ZNF69: variants seen among roughly 807,000 people sequenced by gnomAD.
The protein encoded by ZNF69 is zinc finger protein 69.
A neutral mutation model predicts 50.9 loss-of-function variants in ZNF69; 47 were observed. That is an observed-to-expected ratio of 0.92 (90% CI 0.73 to 1.18). ZNF69 has a LOEUF of 1.18. Among genes scored for constraint, ZNF69 ranks in the 50% most tolerant of loss-of-function variants. The pLI, the probability that ZNF69 is intolerant of heterozygous loss-of-function variation, is 0.00. For synonymous variants in ZNF69, 216 were observed against 223.1 expected, an observed-to-expected ratio of 0.97 and a Z score of 0.29; for missense variants, 717 against 675.1, an observed-to-expected ratio of 1.06 and a Z score of -0.69.
intron 1 of ZNF69, among the ~76,000 whole-genome samples, chr19:11,892,001 C>A (rs536356819): frequency 6.6e-6 from 1 of 152,082 alleles, no homozygotes; most frequent in South Asian, 2.1e-4. Flanking sequence ...TTTCTTTGAG[C>A]GAATGTCTTG....
the ZNF69 span, among the ~76,000 whole-genome samples, chr19:11,957,106 T>TTTTTTTG: frequency 6.6e-6 from 1 of 151,570 alleles, no homozygotes; most frequent in African/African-American, 2.4e-5. Context: ...TTTTTTTTTT[T>TTTTTTTG]TTTGAGATGG....
chr19:11,978,127 A>T, the ZNF69 span: 1 of 1,612,608 alleles, frequency 6.2e-7, no homozygotes, highest in Non-Finnish European at 8.5e-7. Flanking sequence ...AGTCTCATAG[A>T]AGGGAATGTC....
At chr19:11,914,397 T>C (rs1335632937), downstream of ZNF69, 1 of 152,188 alleles carries the variant, frequency 6.6e-6, no homozygotes, top group Non-Finnish European at 1.5e-5. Flanking sequence ...TTACTTATTC[T>C]CTAAAGACTG....
intron 1 of ZNF69, among the ~76,000 whole-genome samples, chr19:11,888,265 C>A (rs1976995816): frequency 6.6e-6 from 1 of 152,196 alleles, no homozygotes; most frequent in Admixed American, 6.5e-5. Flanking sequence ...CCAGATTGTG[C>A]GGGGGCCACG....
At chr19:11,899,715 T>A (rs548086529) in intron 1 of ZNF69, among the ~76,000 whole-genome samples, 15 of 152,278 alleles carry the variant, frequency 9.9e-5, no homozygotes, top group African/African-American at 3.4e-4. Context: ...GTGGGAGGAC[T>A]TTTGTGTGGA....
downstream of ZNF69, among the ~76,000 whole-genome samples, chr19:11,908,646 A>G (rs1297689086): frequency 1.3e-5 from 2 of 152,236 alleles, no homozygotes; most frequent in Non-Finnish European, 2.9e-5. Context: ...ACAACATACC[A>G]GAATCTCTGG....
chr19:11,900,780 T>A (rs1972228034), intron 1 of ZNF69, among the ~76,000 whole-genome samples: 1 of 152,236 alleles, frequency 6.6e-6, no homozygotes, highest in African/African-American at 2.4e-5. Flanking sequence ...TGCCTCTCTT[T>A]TTCTTCTTTT....
At chr19:11,941,593 C>A in the ZNF69 span, among the ~76,000 whole-genome samples, 1 of 152,196 alleles carries the variant, frequency 6.6e-6, no homozygotes, top group Non-Finnish European at 1.5e-5. Flanking sequence ...GCTCCGAGTG[C>A]GGGGCCGCCA....
In ZNF69 at chr19:11,905,107, T is replaced by C; in HGVS notation, c.710T>C (p.Ile237Thr). 1.9e-6 allele frequency: 3 copies of C among 1,614,156 alleles called. No individual in the cohort carries two copies. Among genetic ancestry groups the C allele is most frequent in the East Asian group, 2.2e-5 (1 of 44,884 alleles). ...TTCCATTGTCTCAGTTTATATCTTATCCATGAAAGAATTCACACTGGAGAG... is the reference window on the plus strand; with the variant it reads ...TTCCATTGTCTCAGTTTATATCTTACCCATGAAAGAATTCACACTGGAGAG... ...KAFHCLSLYL[I>T]HERIHTGEKP... is the part of the protein sequence containing the mutation. The change falls in exon 4 of 4, where the codon ATC becomes ACC. Residue 237 changes from isoleucine (I) to threonine (T), a missense_variant. By Grantham distance (89) the Ile-to-Thr change is moderately conservative. Coordinates refer to ENST00000429654, the MANE Select transcript of ZNF69 (RefSeq NM_001364730.1).
At chr19:11,976,859 C>G in the ZNF69 span, 63 of 1,451,442 alleles carry the variant, frequency 4.3e-5, no homozygotes, top group South Asian at 8.4e-4. Context: ...GAAAATCCAT[C>G]TCAAAACAAC....
intron 1 of ZNF69, among the ~76,000 whole-genome samples, chr19:11,888,693 C>T (rs1977007916): frequency 6.6e-6 from 1 of 152,108 alleles, no homozygotes; most frequent in South Asian, 2.1e-4. Context: ...CCTGGCCGGG[C>T]ACGGTGGCTC....
the ZNF69 span, among the ~76,000 whole-genome samples, chr19:11,964,630 C>T: frequency 6.6e-6 from 1 of 152,088 alleles, no homozygotes; most frequent in Non-Finnish European, 1.5e-5. Context: ...GGACATGTGC[C>T]TCTCCTGATG....
At chr19:11,938,939 C>T in the ZNF69 span, among the ~76,000 whole-genome samples, 1,250 of 152,212 alleles carry the variant, frequency 8.2e-3, 13 homozygotes, top group African/African-American at 0.029. Flanking sequence ...GAGATGGTAT[C>T]TCATTGTGGT....
At position 11,898,304 on chromosome 19, in the gene ZNF69, C is replaced by T. The variant is rs116677119; in HGVS notation, c.64-5269C>T. Among the ~76,000 whole-genome samples the T allele has an allele frequency of 5.6e-3, 841 of 151,136 alleles. 6 individuals carry two copies. The highest frequency in any genetic ancestry group is 0.02 in the African/African-American group (822 of 41,220). On this transcript the variant is annotated intron_variant, in intron 1 of 3. Transcript: ENST00000429654. ...ATTTAATGGGTTTTATTATTTAGAA[C>T]AGTGGTTATTTCCCCAAAACATTGA...
At chr19:11,919,945 T>C in the ZNF69 span, among the ~76,000 whole-genome samples, 1 of 152,086 alleles carries the variant, frequency 6.6e-6, no homozygotes, top group Non-Finnish European at 1.5e-5. Flanking sequence ...TCATATACTA[T>C]CGTATATGAT....
the ZNF69 span, among the ~76,000 whole-genome samples, chr19:11,943,988 C>T: frequency 1.3e-5 from 2 of 151,904 alleles, no homozygotes; most frequent in Non-Finnish European, 2.9e-5. Flanking sequence ...TGTGGTGGAT[C>T]CAGGCCGGGA....
At chr19:11,940,132 T>C in the ZNF69 span, 1 of 152,194 alleles carries the variant, frequency 6.6e-6, no homozygotes, top group Admixed American at 6.6e-5. Context: ...GGTTTCTCCA[T>C]GTTGGTCAGA....
At chr19:11,950,476 T>G in the ZNF69 span, 20 of 677,670 alleles carry the variant, frequency 3.0e-5, no homozygotes, top group East Asian at 4.8e-4. Context: ...ACCCTATGAG[T>G]GTATTCTAGT....
chr19:11,965,214 G>A, the ZNF69 span: 1 of 1,614,120 alleles, frequency 6.2e-7, no homozygotes, highest in Non-Finnish European at 8.5e-7. Flanking sequence ...AGGAAATGGT[G>A]CGTGTGCATA....
Sources: allele counts gnomAD v4.1 joint callset (sites outside exome capture counted in the v4.1 genomes callset), GRCh38; gene constraint gnomAD v4.1.1; transcripts MANE v1.5; gene names NCBI Gene and HGNC (gene_info 2026-07-23, HGNC 2026-07-21).